ANKS1B: variants seen among roughly 807,000 people sequenced by gnomAD.
ANKS1B encodes ankyrin repeat and sterile alpha motif domain containing 1B, also known as ankyrin repeat and sterile alpha motif domain-containing protein 1B.
Under a neutral mutation model 148.3 loss-of-function variants are expected in ANKS1B, and 36 were observed. The ratio of observed to expected loss-of-function variants is 0.24; its 90% CI spans 0.19 to 0.32. The LOEUF is 0.32. Ranked by LOEUF, ANKS1B falls within the 10% of genes least tolerant of loss-of-function variation. The pLI, the probability that ANKS1B is intolerant of heterozygous loss-of-function variation, is 1.00. For missense variants in ANKS1B, 1,157 were observed against 1,542.6 expected (o/e 0.75, Z 4.19); for synonymous variants, 542 against 560.8 (o/e 0.97, Z 0.47).
intron 9 of ANKS1B, chr12:99,650,152 ACTTTATATT>A (rs2098408348): frequency 6.6e-6 from 1 of 152,212 alleles, no homozygotes; most frequent in African/African-American, 2.4e-5. Context: ...CTTTCCCTTA[ACTTTATATT>A]TTTTAAATAA....
At chr12:99,845,600 A>C (rs570239179) in intron 1 of ANKS1B, among the ~76,000 whole-genome samples, 1 of 152,168 alleles carries the variant, frequency 6.6e-6, no homozygotes, top group South Asian at 2.1e-4. Context: ...AAGCTTTTTG[A>C]TGTGCTGCTG....
At chr12:99,917,825 A>G (rs918408997) in intron 1 of ANKS1B, among the ~76,000 whole-genome samples, 6 of 152,200 alleles carry the variant, frequency 3.9e-5, no homozygotes, top group Non-Finnish European at 7.4e-5. Flanking sequence ...GAGGTCCCCA[A>G]TCTCCAGCCT....
At chr12:99,515,224 G>A (rs185490665) in intron 9 of ANKS1B, among the ~76,000 whole-genome samples, 3 of 152,000 alleles carry the variant, frequency 2.0e-5, no homozygotes, top group African/African-American at 7.2e-5. Flanking sequence ...AATTGTTATT[G>A]ACTATAGCGC....
intron 11 of ANKS1B, among the ~76,000 whole-genome samples, chr12:99,424,276 G>C (rs2095184018): frequency 6.6e-6 from 1 of 152,046 alleles, no homozygotes; most frequent in African/African-American, 2.4e-5. Context: ...GGAGTCCAAG[G>C]ATTAGGCCAT....
intron 12 of ANKS1B, among the ~76,000 whole-genome samples, chr12:99,396,012 T>G (rs1413014016): frequency 6.6e-6 from 1 of 152,122 alleles, no homozygotes; most frequent in Non-Finnish European, 1.5e-5. Flanking sequence ...TTGTACAGAC[T>G]TACAACAGGC....
chr12:99,175,602 G>A lies in ANKS1B; in HGVS notation c.2420-21207C>T, dbSNP rs1236596432. 2.6e-5 allele frequency among the ~76,000 whole-genome samples: 4 copies of A among 152,270 alleles called. No individual in the cohort carries two copies. In the East Asian group the frequency reaches 7.7e-4, roughly 29 times the overall value. ...TTCTGAAATTATATGCTACTGATAA[G>A]CAATCTTTTTTTATACTTACTCAAC... On this transcript the variant is annotated intron_variant, in intron 14 of 26. Coordinates refer to ENST00000683438, the MANE Select transcript of ANKS1B (RefSeq NM_001352186.2).
chr12:98,970,186 C>A (rs531939563), intron 17 of ANKS1B, among the ~76,000 whole-genome samples: 1 of 152,316 alleles, frequency 6.6e-6, no homozygotes, highest in African/African-American at 2.4e-5. Context: ...CAAGTTCCAT[C>A]ATTTTTTCTT....
intron 12 of ANKS1B, among the ~76,000 whole-genome samples, chr12:99,373,983 C>T (rs971078778): frequency 1.3e-5 from 2 of 152,108 alleles, no homozygotes; most frequent in African/African-American, 4.8e-5. Flanking sequence ...AAAAAAACAC[C>T]AGCTGAACTA....
intron 9 of ANKS1B, among the ~76,000 whole-genome samples, chr12:99,557,875 A>G (rs1330709911): frequency 6.6e-6 from 1 of 152,114 alleles, no homozygotes; most frequent in African/African-American, 2.4e-5. Flanking sequence ...GGTTTGTAGT[A>G]TAAGGTGGGT....
At chr12:98,973,857 G>T (rs75314120) in intron 17 of ANKS1B, among the ~76,000 whole-genome samples, 1 of 151,340 alleles carries the variant, frequency 6.6e-6, no homozygotes, top group Non-Finnish European at 1.5e-5. Flanking sequence ...CTATAGATAC[G>T]TACCTGCGAT....
chr12:99,816,521 T>C (rs2069177644), intron 2 of ANKS1B, among the ~76,000 whole-genome samples: 1 of 151,610 alleles, frequency 6.6e-6, no homozygotes, highest in Non-Finnish European at 1.5e-5. Context: ...TGTTTAAATG[T>C]GCTTATTTTA....
intron 14 of ANKS1B, among the ~76,000 whole-genome samples, chr12:99,180,144 T>C (rs909619578): frequency 2.6e-5 from 4 of 152,244 alleles, no homozygotes; most frequent in African/African-American, 9.6e-5. Flanking sequence ...ACTGATCCTT[T>C]GAGGTCCTTT....
intron 1 of ANKS1B, among the ~76,000 whole-genome samples, chr12:99,883,580 G>T (rs576826311): frequency 1.3e-5 from 2 of 150,756 alleles, no homozygotes; most frequent in Non-Finnish European, 2.9e-5. Flanking sequence ...CAAAGACCCT[G>T]TAAAGACCAT....
At chr12:99,406,512 G>A (rs2094535627) in intron 11 of ANKS1B, among the ~76,000 whole-genome samples, 1 of 144,698 alleles carries the variant, frequency 6.9e-6, no homozygotes, top group Non-Finnish European at 1.5e-5. Flanking sequence ...AAAACCTATG[G>A]GCTACAGCAA....
At chr12:99,649,380 T>C (rs765428125) in intron 9 of ANKS1B, 2 of 1,612,552 alleles carry the variant, frequency 1.2e-6, no homozygotes, top group South Asian at 2.2e-5. Flanking sequence ...CCTATTGTGA[T>C]TATACAATAG....
chr12:99,428,248 C>T (rs2095299723), intron 11 of ANKS1B, among the ~76,000 whole-genome samples: 1 of 151,896 alleles, frequency 6.6e-6, no homozygotes, highest in African/African-American at 2.4e-5. Flanking sequence ...GAAGGGTATC[C>T]ATCAGGGGCC....
intron 15 of ANKS1B, among the ~76,000 whole-genome samples, chr12:99,089,919 T>A (rs573181858): frequency 6.6e-6 from 1 of 152,234 alleles, no homozygotes; most frequent in African/African-American, 2.4e-5. Flanking sequence ...CTTTCTAGAA[T>A]GATCAAAGAC....
At chr12:99,843,409 C>T (rs1016033019) in intron 1 of ANKS1B, among the ~76,000 whole-genome samples, 1 of 152,082 alleles carries the variant, frequency 6.6e-6, no homozygotes, top group Non-Finnish European at 1.5e-5. Context: ...TCCCTCCTCT[C>T]ACCCCCAACC....
rs770299546 is a variant in ANKS1B at position 98,737,663 on chromosome 12, TATC to T, written c.691-2032_691-2030del. 1.5e-4 allele frequency among the ~76,000 whole-genome samples: 23 copies of T among 152,330 alleles called. 1 individual carries two copies. In the Middle Eastern group the frequency reaches 0.01, roughly 68 times the overall value. On this transcript the variant is annotated intron_variant, in intron 9 of 9. Coordinates refer to the ANKS1B transcript ENST00000341752. ...TCTATGTTCTTCCTTTCCATAAGGATATCATGAGGCTGTCAAATGAAGATGTAG... is the reference window on the plus strand; with the variant it reads ...TCTATGTTCTTCCTTTCCATAAGGATATGAGGCTGTCAAATGAAGATGTAG...
Sources: allele counts gnomAD v4.1 joint callset (sites outside exome capture counted in the v4.1 genomes callset), GRCh38; gene constraint gnomAD v4.1.1; transcripts MANE v1.5; gene names NCBI Gene and HGNC (gene_info 2026-07-23, HGNC 2026-07-21).